The following SLAIN1 variants were observed in gnomAD, a reference collection of about 807,000 sequenced individuals.
The protein encoded by SLAIN1 is SLAIN motif-containing protein 1.
Under a neutral mutation model 55.4 loss-of-function variants are expected in SLAIN1, and 17 were observed. The observed-to-expected ratio is 0.31, with a 90% confidence interval of 0.21 to 0.46. The LOEUF (loss-of-function observed/expected upper bound fraction) is 0.46. Ranked by LOEUF, SLAIN1 falls within the 20% of genes least tolerant of loss-of-function variation. SLAIN1 has a pLI of 1.00. For missense variants in SLAIN1, 682 were observed against 785.1 expected (o/e 0.87, Z 1.57); for synonymous variants, 348 against 337.4 (o/e 1.03, Z -0.35).
Position 77,744,482 on chromosome 13 carries a change from C to T in SLAIN1, c.916+50C>T, listed in dbSNP as rs569531418. ...AAATGAGGCTTCCACTTGGAATATA[C>T]AGGCAGAGGGGGAGGTTCAGGCATT... is the stretch of plus-strand genomic sequence containing the variant. On this transcript the variant is annotated intron_variant, in intron 3 of 6. Coordinates refer to ENST00000418532, the MANE Select transcript of SLAIN1 (RefSeq NM_001242868.2). 1.0e-4 allele frequency: 168 copies of T among 1,601,952 alleles called. No individual in the cohort carries two copies. The South Asian group carries it at 1.7e-3, about 16-fold the overall frequency.
chr13:77,762,845 C>T (rs955042174), intron 6 of SLAIN1, among the ~76,000 whole-genome samples: 17 of 152,158 alleles, frequency 1.1e-4, no homozygotes, highest in African/African-American at 3.6e-4. Context: ...AGCCAGGATC[C>T]TATATTTTTC....
intron 1 of SLAIN1, among the ~76,000 whole-genome samples, chr13:77,707,393 A>G (rs1010018534): frequency 1.1e-4 from 16 of 151,880 alleles, no homozygotes; most frequent in African/African-American, 3.4e-4. Flanking sequence ...ATTTTCTTTT[A>G]GATGATATAA....
chr13:77,738,444 G>T (rs1236834382), intron 2 of SLAIN1, among the ~76,000 whole-genome samples: 1 of 151,968 alleles, frequency 6.6e-6, no homozygotes, highest in Non-Finnish European at 1.5e-5. Context: ...AATAGGCTGT[G>T]AATTTTAGTG....
rs1048916220 is a variant in SLAIN1, at chr13:77,744,298, G to C, written c.782G>C (p.Gly261Ala). The C allele has an allele frequency of 6.2e-7, 1 of 1,612,456 alleles. No homozygotes were observed. Among genetic ancestry groups the C allele is most frequent in the Non-Finnish European group, 8.5e-7 (1 of 1,178,960 alleles). Residue 261 changes from glycine to alanine, a missense_variant, in exon 3 of 7, where the codon GGC becomes GCC. By Grantham distance (60) the Gly-to-Ala change is moderately conservative (BLOSUM62 0). Coordinates refer to ENST00000418532, the MANE Select transcript of SLAIN1 (RefSeq NM_001242868.2). ...FRLEQGYTSR[G>A]SPLSPQSSID... Reference sequence around the variant, plus strand: ...TGTGTTTCAGGTTACACTTCCAGGGGCTCCCCACTCAGTCCCCAGTCATCT... The same window carrying C: ...TGTGTTTCAGGTTACACTTCCAGGGCCTCCCCACTCAGTCCCCAGTCATCT...
intron 3 of SLAIN1, 91 bp downstream of exon 3, chr13:77,744,523 G>A (rs1287883502): frequency 6.3e-7 from 1 of 1,584,854 alleles, no homozygotes; most frequent in East Asian, 2.3e-5. Context: ...CCAGGTAATG[G>A]GCAAATAATT....
chr13:77,725,662 G>A (rs1471978175), intron 2 of SLAIN1, among the ~76,000 whole-genome samples: 1 of 152,160 alleles, frequency 6.6e-6, no homozygotes, highest in South Asian at 2.1e-4. Context: ...AATGTGGAGA[G>A]GGGCATAGCT....
chr13:77,750,596 C>T (rs1874140776), intron 4 of SLAIN1, among the ~76,000 whole-genome samples: 1 of 152,062 alleles, frequency 6.6e-6, no homozygotes, highest in Non-Finnish European at 1.5e-5. Context: ...AAAGTACCTG[C>T]TCTGTGAGGC....
chr13:77,761,204 TAGTAA>T, intron 6 of SLAIN1, 94 bp downstream of exon 6: 2 of 1,234,628 alleles, frequency 1.6e-6, no homozygotes. Flanking sequence ...ACTTTAACCT[TAGTAA>T]GACACTACCC....
chr13:77,741,798 T>G (rs1335060140), intron 2 of SLAIN1, among the ~76,000 whole-genome samples: 1 of 151,706 alleles, frequency 6.6e-6, no homozygotes, highest in African/African-American at 2.4e-5. Flanking sequence ...TTTTCAGCTG[T>G]CTGATTGCTC....
At chr13:77,722,176 T>A (rs1307011776) in intron 2 of SLAIN1, among the ~76,000 whole-genome samples, 1 of 151,998 alleles carries the variant, frequency 6.6e-6, no homozygotes, top group African/African-American at 2.4e-5. Flanking sequence ...TTAAACTTCC[T>A]GTAAAAGTTT....
Position 77,746,519 on chromosome 13 carries a change from A to C in SLAIN1, c.922A>C (p.Arg308=), listed in dbSNP as rs959036086. Residue 308 remains arginine (R), a synonymous_variant, in exon 4 of 7, where the codon AGG becomes CGG. Transcript: ENST00000418532. ...TACTATTTGTTATTTTATAGGTCTC[A>C]GGCAAGATTATGCTTCTACTTCAGC... is the stretch of plus-strand genomic sequence containing the variant. ...IMARLQEESL[R]QDYASTSASV... The C allele has an allele frequency of 1.2e-6, 2 of 1,601,470 alleles. No homozygotes were observed. The highest frequency in any genetic ancestry group is 1.3e-5 in the African/African-American group (1 of 74,528).
intron 1 of SLAIN1, among the ~76,000 whole-genome samples, chr13:77,712,418 C>T (rs1434078831): frequency 2.0e-5 from 3 of 152,008 alleles, no homozygotes; most frequent in African/African-American, 4.8e-5. Context: ...TATTTCTATA[C>T]ACTAATAATG....
chr13:77,751,566 C>T (rs1380446940), intron 4 of SLAIN1, among the ~76,000 whole-genome samples: 1 of 152,202 alleles, frequency 6.6e-6, no homozygotes, highest in Non-Finnish European at 1.5e-5. Context: ...TCATTTGTTC[C>T]TTCTCCAAAG....
intron 4 of SLAIN1, 88 bp downstream of exon 4, chr13:77,746,943 T>C: frequency 1.6e-6 from 2 of 1,219,162 alleles, no homozygotes; most frequent in Non-Finnish European, 2.3e-6. Flanking sequence ...GTTTTTGTTT[T>C]TGAGACAGAA....
At chr13:77,745,067 G>A (rs1342132178) in intron 3 of SLAIN1, among the ~76,000 whole-genome samples, 2 of 152,032 alleles carry the variant, frequency 1.3e-5, no homozygotes, top group African/African-American at 4.8e-5. Flanking sequence ...GTGGTTGGTG[G>A]AGTTAGGTAT....
intron 2 of SLAIN1, among the ~76,000 whole-genome samples, chr13:77,735,997 C>T (rs2154410140): frequency 6.6e-6 from 1 of 152,030 alleles, no homozygotes; most frequent in South Asian, 2.1e-4. Context: ...CTCACACAGC[C>T]ACTCTCAACC....
chr13:77,763,100 G>C (rs2154411196), intron 6 of SLAIN1, 45 bp from the exon 7 acceptor site: 1 of 1,517,984 alleles, frequency 6.6e-7, no homozygotes, highest in African/African-American at 1.4e-5. Flanking sequence ...GTGACTCATA[G>C]GATTATTAAC....
chr13:77,746,885 A>G (rs772874095), intron 4 of SLAIN1, 30 bp downstream of exon 4: 4 of 1,542,960 alleles, frequency 2.6e-6, no homozygotes, highest in East Asian at 4.5e-5. Flanking sequence ...GGTATTTGAT[A>G]TGCTTTAATT....
At chr13:77,752,401 T>C (rs897672621) in intron 4 of SLAIN1, among the ~76,000 whole-genome samples, 24 of 152,172 alleles carry the variant, frequency 1.6e-4, no homozygotes, top group Admixed American at 9.8e-4. Context: ...TAGCCACTTA[T>C]TGAATAGGAA....
Sources: allele counts gnomAD v4.1 joint callset (sites outside exome capture counted in the v4.1 genomes callset), GRCh38; gene constraint gnomAD v4.1.1; transcripts MANE v1.5; gene names NCBI Gene and HGNC (gene_info 2026-07-23, HGNC 2026-07-21).